The following CCT4 variants were observed in gnomAD, a reference collection of about 807,000 sequenced individuals.
CCT4 encodes chaperonin containing TCP1 subunit 4.
Under a neutral mutation model 62.5 loss-of-function variants are expected in CCT4, and 17 were observed. That is an observed-to-expected ratio of 0.27 (90% CI 0.19 to 0.41). The LOEUF (loss-of-function observed/expected upper bound fraction) is 0.41, where lower values mean the gene tolerates loss of function less well. Among genes scored for constraint, CCT4 ranks in the 10% least tolerant of loss-of-function variants. The pLI, the probability that CCT4 is intolerant of heterozygous loss-of-function variation, is 1.00. For synonymous variants in CCT4, 250 were observed against 229.9 expected (o/e 1.09, Z -0.79); for missense variants, 592 against 659.2 (o/e 0.90, Z 1.12).
chr2:61,888,650 G>T lies in CCT4; in HGVS notation c.-143C>A, dbSNP rs1669323432. The T allele has an allele frequency of 2.1e-6, 2 of 957,758 alleles. No individual in the cohort carries two copies. The highest frequency in any genetic ancestry group is 1.5e-6 in the Non-Finnish European group (1 of 669,870). 59.3% of individuals were successfully genotyped at this position (957,758 alleles called of 1,614,324 possible). ...GCCGGCGTCGGGAGGAGGCGGAGGC[G>T]GAGAAGGGGGCCTTCCTTGCCGCGC... On this transcript the variant is annotated 5_prime_UTR_variant, in exon 1 of 14. Transcript: ENST00000394440.
Position 61,873,261 on chromosome 2 carries a change from A to T in CCT4, c.950T>A (p.Leu317Gln). ...DALSDLALHF[L>Q]NKMKIMVIKD... Reference sequence around the variant, plus strand: ...AATCACCATGATCTTCATTTTATTCAGAAAGTGTAATGCAAGATCACTAAG... The same window carrying T: ...AATCACCATGATCTTCATTTTATTCTGAAAGTGTAATGCAAGATCACTAAG... Residue 317 changes from leucine (L) to glutamine (Q), a missense_variant, in exon 9 of 14, where the codon CTG (leucine) becomes CAG (glutamine). Physicochemically the swap from Leu to Gln is moderately radical, Grantham distance 113. Around this residue, in one of 3 missense-constraint regions of CCT4, gnomAD observed 522 missense variants for 571.2 expected, o/e 0.91. Coordinates refer to ENST00000394440, the MANE Select transcript of CCT4 (RefSeq NM_006430.4). 6.5e-7 allele frequency: 1 copy of T among 1,547,862 alleles called. No homozygotes were observed. The highest frequency in any genetic ancestry group is 8.9e-7 in the Non-Finnish European group (1 of 1,120,330).
chr2:61,877,523 A>G lies in CCT4; in HGVS notation c.523-9T>C. 6.7e-7 allele frequency: 1 copy of G among 1,502,774 alleles called. No individual in the cohort carries two copies. Among genetic ancestry groups the G allele is most frequent in the Non-Finnish European group, 8.8e-7 (1 of 1,134,306 alleles). 93.1% of individuals were successfully genotyped at this position (1,502,774 alleles called of 1,614,324 possible). A position where few individuals can be genotyped will look rare whatever the true frequency, so the allele number is the denominator to read the frequency against. ...GAATACTGAGAAACCACCTAGAATTATTAAAAAAAAAAAAAAGTTACCTTC... is the reference window on the plus strand; with the variant it reads ...GAATACTGAGAAACCACCTAGAATTGTTAAAAAAAAAAAAAAGTTACCTTC... On this transcript the variant is annotated splice_polypyrimidine_tract_variant and intron_variant, in intron 5 of 13. Transcript: ENST00000394440.
intron 3 of CCT4, among the ~76,000 whole-genome samples, chr2:61,881,947 T>C (rs79558770): frequency 6.6e-6 from 1 of 151,924 alleles, no homozygotes; most frequent in African/African-American, 2.4e-5. Context: ...TTTTTTTTTT[T>C]TTTGAGACGG....
intron 12 of CCT4, among the ~76,000 whole-genome samples, chr2:61,870,681 G>C (rs1668865314): frequency 6.6e-6 from 1 of 152,168 alleles, no homozygotes; most frequent in African/African-American, 2.4e-5. Context: ...CACTTTGGAA[G>C]GCTGAGGCAG....
chr2:61,878,686 T>G (rs1322879557), intron 5 of CCT4, among the ~76,000 whole-genome samples, 183 bp downstream of exon 5: 1 of 152,230 alleles, frequency 6.6e-6, no homozygotes, highest in African/African-American at 2.4e-5. Context: ...TTAAATATCC[T>G]AACTCCTTTG....
At chr2:61,872,649 C>G in intron 10 of CCT4, 61 bp from the exon 11 acceptor site, 1 of 1,576,512 alleles carries the variant, frequency 6.3e-7, no homozygotes, top group Non-Finnish European at 8.7e-7. Context: ...ACACCCAGGC[C>G]GGGCACGGCG....
At chr2:61,885,453 A>T (rs182437696) in intron 1 of CCT4, among the ~76,000 whole-genome samples, 11 of 152,148 alleles carry the variant, frequency 7.2e-5, no homozygotes. Context: ...ACTCTGTCAC[A>T]AGGCTAGAGT....
chr2:61,871,162 G>A (rs925251498), intron 12 of CCT4, among the ~76,000 whole-genome samples: 5 of 151,572 alleles, frequency 3.3e-5, no homozygotes, highest in Non-Finnish European at 7.4e-5. Context: ...CTCCCGTGTA[G>A]CTGGGATTAC....
chr2:61,877,832 A>G (rs755786604), intron 5 of CCT4, among the ~76,000 whole-genome samples: 2 of 152,216 alleles, frequency 1.3e-5, no homozygotes, highest in Non-Finnish European at 2.9e-5. Flanking sequence ...TCTAAAATGA[A>G]TGTGTGATGA....
intron 12 of CCT4, among the ~76,000 whole-genome samples, chr2:61,871,134 C>T (rs1170438008): frequency 4.0e-5 from 6 of 150,838 alleles, no homozygotes; most frequent in Admixed American, 6.6e-5. Context: ...CCAGTTCAAG[C>T]GATTCTCCTC....
intron 1 of CCT4, chr2:61,888,164 G>C: frequency 1.8e-6 from 1 of 558,404 alleles, no homozygotes; most frequent in Non-Finnish European, 3.1e-6. Flanking sequence ...GGGAGATTAA[G>C]ATGCAAAATG....
At chr2:61,874,730 A>G (rs1668961022) in intron 8 of CCT4, among the ~76,000 whole-genome samples, 1 of 152,256 alleles carries the variant, frequency 6.6e-6, no homozygotes, top group Non-Finnish European at 1.5e-5. Flanking sequence ...AAGCAATTGC[A>G]TAGACCTTTA....
chr2:61,877,060 TA>T lies in CCT4; in HGVS notation c.645-9del, dbSNP rs754432217. 3.7e-6 allele frequency: 6 copies of T among 1,610,954 alleles called. No individual in the cohort carries two copies. Among genetic ancestry groups the T allele is most frequent in the East Asian group, 2.2e-5 (1 of 44,828 alleles). On this transcript the variant is annotated splice_polypyrimidine_tract_variant and intron_variant, in intron 6 of 13. Coordinates refer to ENST00000394440, the MANE Select transcript of CCT4 (RefSeq NM_006430.4). The stretch of plus-strand genomic sequence containing the variant: ...CAGTCATCAATTGTCCCACTAAGGA[TA>T]AAAGAAAACAAAGAGGGGTAGTTAA...
intron 8 of CCT4, among the ~76,000 whole-genome samples, chr2:61,874,928 T>C (rs1004180511): frequency 2.6e-5 from 4 of 151,810 alleles, no homozygotes; most frequent in Admixed American, 2.6e-4. Flanking sequence ...GCGGATCACC[T>C]GAGGTTGGGA....
rs1669322693 is a variant in CCT4 at position 61,888,637 on chromosome 2, A to C, written c.-130T>G. On this transcript the variant is annotated 5_prime_UTR_variant, in exon 1 of 14. Transcript: ENST00000394440. ...TCCAGAAAGCGGCGCCGGCGTCGGG[A>C]GGAGGCGGAGGCGGAGAAGGGGGCC... 2.7e-6 allele frequency: 3 copies of C among 1,130,882 alleles called. No homozygotes were observed. Among genetic ancestry groups the C allele is most frequent in the South Asian group, 1.6e-5 (1 of 61,204 alleles). The allele number at this position is 1,130,882 out of a possible 1,614,324, so 70.1% of individuals were successfully genotyped here.
chr2:61,886,299 C>A (rs915630956), intron 1 of CCT4, among the ~76,000 whole-genome samples: 112 of 152,202 alleles, frequency 7.4e-4, no homozygotes, highest in Non-Finnish European at 2.2e-4. Context: ...TCCCAGCTAG[C>A]TACTCGGGAG....
chr2:61,883,181 T>C (rs938289497), intron 3 of CCT4, among the ~76,000 whole-genome samples: 1 of 152,120 alleles, frequency 6.6e-6, no homozygotes, highest in African/African-American at 2.4e-5. Flanking sequence ...CCCAGCACTT[T>C]GGGAGGCCAA....
At chr2:61,887,469 C>T (rs1669283246) in intron 1 of CCT4, among the ~76,000 whole-genome samples, 1 of 152,148 alleles carries the variant, frequency 6.6e-6, no homozygotes, top group Admixed American at 6.6e-5. Flanking sequence ...TCTGCCCCAA[C>T]CTAGCTTTCT....
chr2:61,877,151 T>C (rs1669018662), intron 6 of CCT4, 99 bp from the exon 7 acceptor site: 1 of 1,117,192 alleles, frequency 9.0e-7, no homozygotes, highest in East Asian at 2.4e-5. Context: ...CAATAAAATA[T>C]GATTCAGCCT....
Sources: gnomAD v4.1 joint callset for allele counts (sites outside exome capture counted in the v4.1 genomes callset) on GRCh38, gnomAD v4.1.1 for gene constraint, gnomAD v4.1.1 regional missense constraint, MANE v1.5 for transcripts, NCBI Gene and HGNC (gene_info 2026-07-23, HGNC 2026-07-21) for gene names.